Variants in PHLPP2 observed in about 807,000 individuals in gnomAD.
PHLPP2 encodes the protein PH domain leucine-rich repeat-containing protein phosphatase 2.
A neutral mutation model predicts 124.9 loss-of-function variants in PHLPP2; 66 were observed. The ratio of observed to expected loss-of-function variants is 0.53; its 90% CI spans 0.43 to 0.65. The LOEUF (loss-of-function observed/expected upper bound fraction) is 0.65. PHLPP2 is among the 30% of genes least tolerant of loss of function. The pLI, the probability that PHLPP2 is intolerant of heterozygous loss-of-function variation, is 0.00. For missense variants in PHLPP2, 1,685 were observed against 1,600.4 expected, an observed-to-expected ratio of 1.05 and a Z score of -0.90; for synonymous variants, 681 against 624.7, an observed-to-expected ratio of 1.09 and a Z score of -1.34.
Position 71,711,287 on chromosome 16 carries a change from C to T in PHLPP2, c.284+3225G>A, listed in dbSNP as rs185019365. 1.7e-3 allele frequency among the ~76,000 whole-genome samples: 259 copies of T among 151,188 alleles called. 1 individual carries two copies. Among genetic ancestry groups the T allele is most frequent in the African/African-American group, 6.2e-3 (253 of 41,126 alleles). Reference sequence around the variant, plus strand: ...CAGAGGTTGCAGTGAGCCGAGATCGCACCACTGCACTCCAGCCTGGGCAAC... The same window carrying T: ...CAGAGGTTGCAGTGAGCCGAGATCGTACCACTGCACTCCAGCCTGGGCAAC... On this transcript the variant is annotated intron_variant, in intron 2 of 18. Coordinates refer to ENST00000568954, the MANE Select transcript of PHLPP2 (RefSeq NM_015020.3).
At chr16:71,673,285 G>C (rs555235282) in intron 9 of PHLPP2, among the ~76,000 whole-genome samples, 2 of 152,316 alleles carry the variant, frequency 1.3e-5, no homozygotes, top group African/African-American at 4.8e-5. Flanking sequence ...CTACTGAACA[G>C]TTTTCCAAAG....
intron 16 of PHLPP2, among the ~76,000 whole-genome samples, chr16:71,655,906 C>CA (rs1195667762): frequency 7.2e-5 from 11 of 152,252 alleles, no homozygotes; most frequent in African/African-American, 2.2e-4. Flanking sequence ...TCTGAAAGAG[C>CA]TAATGTCCTA....
intron 2 of PHLPP2, among the ~76,000 whole-genome samples, chr16:71,704,870 A>G (rs2045262341): frequency 6.6e-6 from 1 of 152,166 alleles, no homozygotes; most frequent in African/African-American, 2.4e-5. Context: ...TGCATCCTGG[A>G]GAGAGGTCAA....
chr16:71,647,622 C>G lies in PHLPP2; in HGVS notation c.*1268G>C, dbSNP rs1004837816. The G allele has an allele frequency of 1.3e-5, 2 of 152,240 alleles. No individual in the cohort carries two copies. Among genetic ancestry groups the G allele is most frequent in the Non-Finnish European group, 2.9e-5 (2 of 68,072 alleles). 9.4% of individuals were successfully genotyped at this position (152,240 alleles called of 1,614,324 possible). On this transcript the variant is annotated 3_prime_UTR_variant, in exon 19 of 19. Transcript: ENST00000568954. ...GATGCAAGCAGTGTCAGCCTTGGGC[C>G]CCCGCTCCCCGCCCTTAGGAAGCTG...
At chr16:71,668,485 G>A (rs1463067200) in intron 11 of PHLPP2, among the ~76,000 whole-genome samples, 1 of 150,860 alleles carries the variant, frequency 6.6e-6, no homozygotes, top group African/African-American at 2.4e-5. Context: ...TCCAAGGCCA[G>A]GTGTGGTGGC....
chr16:71,686,541 G>A (rs1031809701), intron 4 of PHLPP2, among the ~76,000 whole-genome samples: 1 of 151,844 alleles, frequency 6.6e-6, no homozygotes, highest in Admixed American at 6.6e-5. Context: ...AATAAATACA[G>A]TGTGCAACCC....
chr16:71,658,132 T>C (rs2044757297), intron 15 of PHLPP2, 101 bp downstream of exon 15: 1 of 1,011,092 alleles, frequency 9.9e-7, no homozygotes, highest in Non-Finnish European at 1.4e-6. Flanking sequence ...AACTTCATTC[T>C]GTTCTTTTAA....
At chr16:71,691,749 T>A (rs1356474137) in intron 3 of PHLPP2, among the ~76,000 whole-genome samples, 3 of 152,014 alleles carry the variant, frequency 2.0e-5, no homozygotes, top group Non-Finnish European at 4.4e-5. Flanking sequence ...GAGGCCTTCA[T>A]GACTGAGATA....
rs1479677786 is a variant in PHLPP2, at chr16:71,648,392, G to A, written c.*498C>T. ...AATGTGAAACTTAACACTGATAGTG[G>A]CTACCAGTTTATCCAGAGCCAGCCC... On this transcript the variant is annotated 3_prime_UTR_variant, in exon 19 of 19. Transcript: ENST00000568954. 6.1e-6 allele frequency: 1 copy of A among 164,040 alleles called. No individual in the cohort carries two copies. The highest frequency in any genetic ancestry group is 2.4e-5 in the African/African-American group (1 of 41,568). 10.2% of individuals were successfully genotyped at this position (164,040 alleles called of 1,614,324 possible).
chr16:71,705,943 T>C (rs924606450), intron 2 of PHLPP2, among the ~76,000 whole-genome samples: 2 of 152,190 alleles, frequency 1.3e-5, no homozygotes, highest in Admixed American at 1.3e-4. Flanking sequence ...CTGAAAAAAG[T>C]AGACAGTATT....
chr16:71,654,188 A>T (rs1051106950), intron 17 of PHLPP2, among the ~76,000 whole-genome samples: 1 of 125,064 alleles, frequency 8.0e-6, no homozygotes, highest in Admixed American at 1.0e-4. Flanking sequence ...GAGCAAGAAG[A>T]CTCCGTCTCA....
chr16:71,680,994 AAAC>A (rs1403381861), intron 6 of PHLPP2, among the ~76,000 whole-genome samples: 1 of 152,230 alleles, frequency 6.6e-6, no homozygotes, highest in Non-Finnish European at 1.5e-5. Context: ...GAGATTAAAA[AAAC>A]AACATTTTCT....
At chr16:71,708,425 C>T (rs903551066) in intron 2 of PHLPP2, among the ~76,000 whole-genome samples, 11 of 152,184 alleles carry the variant, frequency 7.2e-5, no homozygotes, top group Non-Finnish European at 1.5e-5. Context: ...TAATTTTCCA[C>T]TACCTACCCA....
At position 71,714,748 on chromosome 16, in the gene PHLPP2, A is replaced by AGGTTTGGTT; in HGVS notation, c.47_48insAACCAAACC (p.Phe16delinsLeuThrLysPro). The AGGTTTGGTT allele has an allele frequency of 6.2e-7, 1 of 1,614,154 alleles. No homozygotes were observed. ...TTAGCCAGTCTCTTTCTCGAGAACC[A>AGGTTTGGTT]AACCTACTTCTCCTATTCAAACAAT... On this transcript the variant is annotated protein_altering_variant, in exon 2 of 19. Transcript: ENST00000568954.
At chr16:71,707,185 G>A (rs2045281434) in intron 2 of PHLPP2, among the ~76,000 whole-genome samples, 1 of 151,710 alleles carries the variant, frequency 6.6e-6, no homozygotes, top group Non-Finnish European at 1.5e-5. Flanking sequence ...TCGATCTCCT[G>A]ACCTCGTGAT....
At chr16:71,709,334 G>C (rs1207777871) in intron 2 of PHLPP2, among the ~76,000 whole-genome samples, 1 of 151,910 alleles carries the variant, frequency 6.6e-6, no homozygotes. Flanking sequence ...TCCCAAGGGT[G>C]CTATTTTCTG....
In PHLPP2 at chr16:71,714,663, T is replaced by C. The variant is rs868413305; in HGVS notation, c.133A>G (p.Thr45Ala). The change falls in exon 2 of 19, where the codon ACA becomes GCA. Residue 45 changes from threonine to alanine, a missense_variant. Thr to Ala is a moderately conservative substitution (Grantham distance 58). Transcript: ENST00000568954. The stretch of plus-strand genomic sequence containing the variant: ...GAGGAAGAGGAGGTGGTGGTGGTTG[T>C]AGTGGCAGTGGTAGTGTCTGCTCCA... ...LYGADTTTAT[T>A]TTTTSSSSSS... 6.2e-7 allele frequency: 1 copy of C among 1,613,632 alleles called. No individual in the cohort carries two copies. Among genetic ancestry groups the C allele is most frequent in the Non-Finnish European group, 8.5e-7 (1 of 1,179,638 alleles).
intron 3 of PHLPP2, among the ~76,000 whole-genome samples, chr16:71,700,933 C>T (rs2045226405): frequency 6.6e-6 from 1 of 152,164 alleles, no homozygotes; most frequent in Non-Finnish European, 1.5e-5. Flanking sequence ...TGTGTGTATA[C>T]GTGTGTCTCA....
intron 13 of PHLPP2, among the ~76,000 whole-genome samples, chr16:71,659,302 A>T (rs1177741588): frequency 7.5e-6 from 1 of 133,748 alleles, no homozygotes; most frequent in Non-Finnish European, 1.5e-5. Context: ...CCCAGGCTGG[A>T]GTGCAATGGC....
Sources: gnomAD v4.1 joint callset for allele counts (sites outside exome capture counted in the v4.1 genomes callset) on GRCh38, gnomAD v4.1.1 for gene constraint, MANE v1.5 for transcripts, NCBI Gene and HGNC (gene_info 2026-07-23, HGNC 2026-07-21) for gene names.